Variants in LRRC63 observed in about 807,000 individuals in gnomAD.
LRRC63 encodes the protein leucine rich repeat containing 63, also known as leucine-rich repeat-containing protein 63.
In LRRC63, 40 loss-of-function variants were observed where a neutral mutation model predicts 49.5. The observed-to-expected ratio is 0.81, with a 90% confidence interval of 0.63 to 1.05. The LOEUF is 1.05. LRRC63 is among the 50% of genes least tolerant of loss of function. The pLI is 0.00. For missense variants in LRRC63, 636 were observed against 663.1 expected, an observed-to-expected ratio of 0.96 and a Z score of 0.45; for synonymous variants, 191 against 221.1, an observed-to-expected ratio of 0.86 and a Z score of 1.21.
chr13:46,213,962 GAT>G (rs1271225748), intron 2 of LRRC63, among the ~76,000 whole-genome samples: 2 of 152,262 alleles, frequency 1.3e-5, no homozygotes, highest in East Asian at 3.9e-4. Flanking sequence ...CTGGGATACT[GAT>G]TGTAATCAAT....
chr13:46,256,007 G>C (rs1013296143), intron 7 of LRRC63, among the ~76,000 whole-genome samples: 3 of 152,088 alleles, frequency 2.0e-5, no homozygotes, highest in Non-Finnish European at 2.9e-5. Context: ...CATACATTTT[G>C]GGGATTCACC....
intron 2 of LRRC63, among the ~76,000 whole-genome samples, chr13:46,217,285 G>A (rs2046278494): frequency 1.3e-5 from 2 of 152,156 alleles, no homozygotes; most frequent in Admixed American, 1.3e-4. Flanking sequence ...CTCAATTTCA[G>A]AACTTGTTAT....
chr13:46,219,710 G>A (rs370965289), intron 2 of LRRC63, among the ~76,000 whole-genome samples: 1 of 152,164 alleles, frequency 6.6e-6, no homozygotes, highest in Admixed American at 6.5e-5. Flanking sequence ...CAGCCTTTTT[G>A]TGCTAGTTTT....
intron 8 of LRRC63, among the ~76,000 whole-genome samples, chr13:46,266,429 A>AC (rs1302851650): frequency 2.0e-4 from 31 of 152,232 alleles, no homozygotes; most frequent in Admixed American, 2.0e-3. Context: ...ATTTTATGTA[A>AC]CATGACATTG....
intron 3 of LRRC63, 59 bp downstream of exon 3, chr13:46,228,248 G>A: frequency 7.6e-7 from 1 of 1,321,962 alleles, no homozygotes; most frequent in Non-Finnish European, 1.0e-6. Flanking sequence ...GGGGAGAGAA[G>A]GCATGCAAGC....
intron 2 of LRRC63, among the ~76,000 whole-genome samples, chr13:46,221,289 T>G (rs2046400457): frequency 6.6e-6 from 1 of 152,232 alleles, no homozygotes; most frequent in African/African-American, 2.4e-5. Flanking sequence ...CCACATAGCA[T>G]GATGAACATA....
chr13:46,273,116 G>A (rs1566516607), intron 9 of LRRC63, among the ~76,000 whole-genome samples: 2 of 152,126 alleles, frequency 1.3e-5, no homozygotes, highest in Non-Finnish European at 2.9e-5. Context: ...TGGAGGAGGA[G>A]CTGATAACAA....
exon 3 of LRRC63, chr13:46,227,636 C>G (rs1312241439): frequency 1.3e-6 from 2 of 1,550,008 alleles, no homozygotes; most frequent in African/African-American, 2.7e-5. Context: ...CTATCAATAT[C>G]CAAAATATCT....
At chr13:46,272,421 A>G (rs2047772793) in intron 9 of LRRC63, among the ~76,000 whole-genome samples, 2 of 152,170 alleles carry the variant, frequency 1.3e-5, no homozygotes, top group South Asian at 4.1e-4. Flanking sequence ...AAGAAACTGC[A>G]ATGTAAAATA....
At chr13:46,232,647 TAGAG>T (rs2046796997) in intron 4 of LRRC63, among the ~76,000 whole-genome samples, 1 of 151,678 alleles carries the variant, frequency 6.6e-6, no homozygotes, top group Non-Finnish European at 1.5e-5. Flanking sequence ...GAGAGAAAGA[TAGAG>T]AGAGAAAGAG....
At chr13:46,250,605 T>A in intron 7 of LRRC63, 114 bp downstream of exon 7, 2 of 853,314 alleles carry the variant, frequency 2.3e-6, no homozygotes, top group Non-Finnish European at 3.6e-6. Flanking sequence ...TAATTTGTAT[T>A]CTATTCTAAT....
intron 2 of LRRC63, among the ~76,000 whole-genome samples, chr13:46,225,091 G>A (rs1363685081): frequency 3.3e-5 from 5 of 152,148 alleles, no homozygotes; most frequent in African/African-American, 9.7e-5. Flanking sequence ...TTCTCACGTC[G>A]CTGGGAAACA....
intron 8 of LRRC63, among the ~76,000 whole-genome samples, chr13:46,262,301 T>C (rs2047626570): frequency 6.6e-6 from 1 of 152,184 alleles, no homozygotes; most frequent in Admixed American, 6.5e-5. Flanking sequence ...GAAATACATT[T>C]ACGCAAAATG....
Position 46,264,420 on chromosome 13 carries a change from TTTTA to T in LRRC63, c.1311-2296_1311-2293del, listed in dbSNP as rs528766541. Among the ~76,000 whole-genome samples the T allele has an allele frequency of 5.1e-3, 749 of 147,810 alleles. 2 individuals are homozygous for T. The highest frequency in any genetic ancestry group is 0.014 in the Middle Eastern group (4 of 294). On this transcript the variant is annotated intron_variant, in intron 8 of 9. Coordinates refer to ENST00000595396, the Ensembl canonical transcript of LRRC63. Reference sequence around the variant, plus strand: ...TGGTACCTAGATTTTTCCTCATGGTTTTTATTTATTTATTTATTTAGTTAGTTAG... The same window carrying T: ...TGGTACCTAGATTTTTCCTCATGGTTTTTATTTATTTATTTAGTTAGTTAG...
chr13:46,258,420 C>T (rs1332159880), intron 7 of LRRC63, among the ~76,000 whole-genome samples: 1 of 151,112 alleles, frequency 6.6e-6, no homozygotes, highest in East Asian at 2.0e-4. Flanking sequence ...TGAGCCCCCG[C>T]ACCCAGCCCT....
At chr13:46,226,245 A>G (rs1030925892) in intron 2 of LRRC63, among the ~76,000 whole-genome samples, 2 of 151,982 alleles carry the variant, frequency 1.3e-5, no homozygotes, top group African/African-American at 4.8e-5. Flanking sequence ...CAGCATCCCA[A>G]AGTGCTGGGA....
At chr13:46,229,120 G>A (rs2046668389) in intron 4 of LRRC63, among the ~76,000 whole-genome samples, 1 of 151,880 alleles carries the variant, frequency 6.6e-6, no homozygotes, top group South Asian at 2.1e-4. Flanking sequence ...TATAGTGTGT[G>A]GCAAATAATT....
intron 5 of LRRC63, among the ~76,000 whole-genome samples, chr13:46,240,968 G>T (rs566511212): frequency 6.6e-6 from 1 of 152,282 alleles, no homozygotes; most frequent in East Asian, 1.9e-4. Context: ...ATTCTTCACA[G>T]AACTAGAAAA....
intron 4 of LRRC63, among the ~76,000 whole-genome samples, chr13:46,231,660 C>T (rs1178062014): frequency 1.3e-5 from 2 of 151,980 alleles, no homozygotes; most frequent in African/African-American, 4.8e-5. Flanking sequence ...CAGGCATGCA[C>T]CACCATGCCC....
Sources: gnomAD v4.1 joint callset for allele counts (sites outside exome capture counted in the v4.1 genomes callset) on GRCh38, gnomAD v4.1.1 for gene constraint, MANE v1.5 for transcripts, NCBI Gene and HGNC (gene_info 2026-07-23, HGNC 2026-07-21) for gene names.